Variants in PLCB1 observed in about 807,000 individuals in gnomAD.
PLCB1 encodes 1-phosphatidylinositol 4,5-bisphosphate phosphodiesterase beta-1.
A neutral mutation model predicts 161.8 loss-of-function variants in PLCB1; 46 were observed. That is an observed-to-expected ratio of 0.28 (90% confidence interval 0.22 to 0.36). PLCB1 has a LOEUF of 0.36. Among genes scored for constraint, PLCB1 ranks in the 10% least tolerant of loss-of-function variants. The probability of loss-of-function intolerance (pLI) is 1.00; values close to 1 mark genes in which losing one functional copy is unlikely to be tolerated. For missense variants in PLCB1, 1,016 were observed against 1,472.5 expected, an observed-to-expected ratio of 0.69 and a Z score of 5.07; for synonymous variants, 517 against 503.7, an observed-to-expected ratio of 1.03 and a Z score of -0.35.
intron 2 of PLCB1, among the ~76,000 whole-genome samples, chr20:8,292,458 G>A (rs537467874): frequency 1.3e-5 from 2 of 152,176 alleles, no homozygotes; most frequent in East Asian, 3.9e-4. Context: ...ATTTAGCAAT[G>A]ACAAATTACA....
At chr20:8,330,082 CT>C (rs1434332379) in intron 2 of PLCB1, among the ~76,000 whole-genome samples, 1 of 152,144 alleles carries the variant, frequency 6.6e-6, no homozygotes, top group African/African-American at 2.4e-5. Context: ...TTCCATCCCC[CT>C]GATTCTTCTG....
chr20:8,665,997 C>G (rs967869481), intron 9 of PLCB1, among the ~76,000 whole-genome samples: 1 of 152,188 alleles, frequency 6.6e-6, no homozygotes, highest in African/African-American at 2.4e-5. Context: ...CACCTACACA[C>G]TTGGCAACTC....
intron 3 of PLCB1, among the ~76,000 whole-genome samples, chr20:8,559,420 A>T (rs1330534593): frequency 2.0e-5 from 3 of 151,980 alleles, no homozygotes; most frequent in Non-Finnish European, 4.4e-5. Flanking sequence ...AAGATAAGAC[A>T]TATAGAACAC....
chr20:8,563,216 G>A (rs537280749), intron 3 of PLCB1, among the ~76,000 whole-genome samples: 1 of 152,086 alleles, frequency 6.6e-6, no homozygotes, highest in African/African-American at 2.4e-5. Flanking sequence ...TAAGAATTAG[G>A]AGCAAGTAAT....
intron 2 of PLCB1, among the ~76,000 whole-genome samples, chr20:8,320,497 G>A (rs1215672238): frequency 6.6e-6 from 1 of 152,152 alleles, no homozygotes; most frequent in Non-Finnish European, 1.5e-5. Flanking sequence ...TTGCCCTCAG[G>A]CAGGAAAGCT....
intron 3 of PLCB1, among the ~76,000 whole-genome samples, chr20:8,546,904 A>G (rs1985572957): frequency 6.6e-6 from 1 of 152,124 alleles, no homozygotes; most frequent in African/African-American, 2.4e-5. Context: ...TCTTCTGGCA[A>G]TGACTTTGCC....
intron 31 of PLCB1, among the ~76,000 whole-genome samples, chr20:8,790,608 C>T (rs1232554384): frequency 6.6e-6 from 1 of 152,164 alleles, no homozygotes; most frequent in Non-Finnish European, 1.5e-5. Context: ...AAGTAAACGT[C>T]AGTTCTAAAT....
intron 9 of PLCB1, among the ~76,000 whole-genome samples, chr20:8,675,198 A>C (rs770019836): frequency 6.6e-6 from 1 of 152,128 alleles, no homozygotes; most frequent in Non-Finnish European, 1.5e-5. Flanking sequence ...TCACTCCTTT[A>C]GAAACGTAGG....
chr20:8,832,541 G>A (rs1383018537), intron 31 of PLCB1, among the ~76,000 whole-genome samples: 1 of 152,182 alleles, frequency 6.6e-6, no homozygotes, highest in African/African-American at 2.4e-5. Flanking sequence ...CTTAAGAGAT[G>A]ACCTTGATAA....
chr20:8,429,464 T>C (rs1979938621), intron 3 of PLCB1, among the ~76,000 whole-genome samples: 1 of 152,010 alleles, frequency 6.6e-6, no homozygotes, highest in South Asian at 2.1e-4. Context: ...ATTTTGTGGA[T>C]TGGGACCTGC....
At chr20:8,218,144 A>G (rs1452689132) in intron 2 of PLCB1, among the ~76,000 whole-genome samples, 1 of 152,066 alleles carries the variant, frequency 6.6e-6, no homozygotes, top group African/African-American at 2.4e-5. Context: ...TATATCCATT[A>G]TATGTGTTAG....
chr20:8,475,993 T>C (rs1375325148), intron 3 of PLCB1, among the ~76,000 whole-genome samples: 1 of 152,190 alleles, frequency 6.6e-6, no homozygotes, highest in African/African-American at 2.4e-5. Context: ...GTGTGGGACC[T>C]GAGATTCTGC....
intron 2 of PLCB1, among the ~76,000 whole-genome samples, chr20:8,363,209 A>G (rs1986599013): frequency 6.6e-6 from 1 of 152,160 alleles, no homozygotes; most frequent in Non-Finnish European, 1.5e-5. Context: ...ACCACAACTT[A>G]ATGGCTTAAA....
intron 21 of PLCB1, 67 bp downstream of exon 21, chr20:8,739,427 T>C (rs1195091364): frequency 1.1e-6 from 1 of 944,786 alleles, no homozygotes; most frequent in Non-Finnish European, 1.7e-6. Context: ...CTTAAAATAT[T>C]ACTAGAAAAT....
At chr20:8,575,396 T>C (rs1002783182) in intron 3 of PLCB1, among the ~76,000 whole-genome samples, 1 of 152,236 alleles carries the variant, frequency 6.6e-6, no homozygotes, top group African/African-American at 2.4e-5. Context: ...ATTATTATTG[T>C]GCCCACAGAA....
At chr20:8,745,592 GATTAT>G (rs1473260246) in intron 23 of PLCB1, among the ~76,000 whole-genome samples, 1 of 151,672 alleles carries the variant, frequency 6.6e-6, no homozygotes, top group Non-Finnish European at 1.5e-5. Context: ...ACATTATTCA[GATTAT>G]ATTATACATA....
chr20:8,361,617 G>A (rs1370973040), intron 2 of PLCB1, among the ~76,000 whole-genome samples: 1 of 152,050 alleles, frequency 6.6e-6, no homozygotes, highest in African/African-American at 2.4e-5. Context: ...GAGAAATGAA[G>A]GCATTTAAGT....
At chr20:8,212,390 T>G (rs193220855) in intron 2 of PLCB1, among the ~76,000 whole-genome samples, 15 of 152,230 alleles carry the variant, frequency 9.9e-5, no homozygotes, top group African/African-American at 3.6e-4. Flanking sequence ...ATGCATTTTA[T>G]TCTAAATACA....
At chr20:8,279,121 AATC>A (rs1168198467) in intron 2 of PLCB1, among the ~76,000 whole-genome samples, 11 of 152,184 alleles carry the variant, frequency 7.2e-5, no homozygotes, top group Non-Finnish European at 1.2e-4. Flanking sequence ...TTAAACATAG[AATC>A]ATCATATGAT....
Sources: allele counts gnomAD v4.1 joint callset (sites outside exome capture counted in the v4.1 genomes callset), GRCh38; gene constraint gnomAD v4.1.1; transcripts MANE v1.5; gene names NCBI Gene and HGNC (gene_info 2026-07-23, HGNC 2026-07-21).